DELE1: variants seen among roughly 807,000 people sequenced by gnomAD.
The protein encoded by DELE1 is DAP3 binding cell death enhancer 1, also known as death ligand signal enhancer.
DELE1 carries 54 observed loss-of-function variants against 59.3 expected under a neutral mutation model. The ratio of observed to expected loss-of-function variants is 0.91; its 90% CI spans 0.73 to 1.14. The LOEUF (loss-of-function observed/expected upper bound fraction) is 1.14, where lower values mean the gene tolerates loss of function less well. Among genes scored for constraint, DELE1 ranks in the 50% most tolerant of loss-of-function variants. The pLI is 0.00. For synonymous variants in DELE1, 264 were observed against 259.1 expected (o/e 1.02, Z -0.18); for missense variants, 636 against 643.9 (o/e 0.99, Z 0.13).
At chr5:141,934,459 C>T (rs763600945) in intron 9 of DELE1, 35 bp from the exon 10 acceptor site, 1 of 1,614,064 alleles carries the variant, frequency 6.2e-7, no homozygotes, top group African/African-American at 1.3e-5. Flanking sequence ...TGAAAGTGAC[C>T]AAGATGCCTT....
chr5:141,937,109 A>G, intron 10 of DELE1, 89 bp from the exon 11 acceptor site: 1 of 1,577,004 alleles, frequency 6.3e-7, no homozygotes, highest in Non-Finnish European at 8.6e-7. Context: ...AAGTCCCAGC[A>G]TGCCTGACTT....
chr5:141,924,518 A>G, intron 1 of DELE1, 63 bp from the exon 2 acceptor site: 2 of 932,360 alleles, frequency 2.1e-6, no homozygotes, highest in Non-Finnish European at 3.6e-6. Context: ...ACCTCTGCTG[A>G]GGCAGATGAC....
intron 7 of DELE1, among the ~76,000 whole-genome samples, 165 bp from the exon 8 acceptor site, chr5:141,933,094 C>CAAAAAA (rs56720043): frequency 9.9e-6 from 1 of 101,066 alleles, no homozygotes; most frequent in Non-Finnish European, 2.0e-5. Flanking sequence ...GACTCCATCT[C>CAAAAAA]AAAAAAAAAA....
At chr5:141,938,386 C>T in intron 11 of DELE1, 135 bp from the exon 12 acceptor site, 3 of 1,363,772 alleles carry the variant, frequency 2.2e-6, no homozygotes, top group South Asian at 2.8e-5. Flanking sequence ...TCTAAGAGCC[C>T]TGCTCACTCA....
chr5:141,938,115 C>T (rs1321801546), intron 11 of DELE1, among the ~76,000 whole-genome samples: 2 of 152,006 alleles, frequency 1.3e-5, no homozygotes, highest in Admixed American at 6.5e-5. Context: ...TGTGAGCCAC[C>T]GCGCCCAGTC....
chr5:141,929,252 C>CT (rs888548981), intron 4 of DELE1, among the ~76,000 whole-genome samples: 3 of 151,554 alleles, frequency 2.0e-5, no homozygotes, highest in African/African-American at 7.3e-5. Context: ...CCTGATCACT[C>CT]TTTTTTTTTC....
intron 3 of DELE1, 96 bp downstream of exon 3, chr5:141,925,623 A>C: frequency 1.5e-6 from 1 of 659,516 alleles, no homozygotes; most frequent in Non-Finnish European, 2.5e-6. Flanking sequence ...CTAGGGAATC[A>C]CTGTGTCCAT....
intron 4 of DELE1, 105 bp from the exon 5 acceptor site, chr5:141,929,477 T>G: frequency 7.3e-6 from 9 of 1,232,584 alleles, no homozygotes; most frequent in Non-Finnish European, 1.0e-5. Context: ...CTTGAACTCC[T>G]GACCTCAGGT....
rs555689141 is a variant in DELE1, at chr5:141,933,190, A to G, written c.755-69A>G. 146 of 1,298,018 alleles carry G rather than the reference A, an allele frequency of 1.1e-4. No homozygotes were observed. The South Asian group carries it at 2.5e-3, about 22-fold the overall frequency. The allele number at this position is 1,298,018 out of a possible 1,614,324, so 80.4% of individuals were successfully genotyped here. ...GAGGAGGATCAGATGAGGAGTCTGTAGGTACCTGGCTGAGGGTGTGGGGAA... is the reference window on the plus strand; with the variant it reads ...GAGGAGGATCAGATGAGGAGTCTGTGGGTACCTGGCTGAGGGTGTGGGGAA... On this transcript the variant is annotated intron_variant, in intron 7 of 11. Transcript: ENST00000432126.
In DELE1 at chr5:141,941,674, T is replaced by G; in HGVS notation, c.*2915T>G. 1 of 985,394 alleles carries G rather than the reference T, an allele frequency of 1.0e-6. No homozygotes were observed. 61.0% of individuals were successfully genotyped at this position (985,394 alleles called of 1,614,324 possible). A position where few individuals can be genotyped will look rare whatever the true frequency, so the allele number is the denominator to read the frequency against. ...GACCTTTGTGGGAAGCTCTACTGCC[T>G]CAGTTTCCCTATCCGGAGATGCTGT... is the stretch of plus-strand genomic sequence containing the variant. On this transcript the variant is annotated 3_prime_UTR_variant, in exon 12 of 12. Transcript: ENST00000432126.
In DELE1 at chr5:141,941,905, T is replaced by C; in HGVS notation, c.*3146T>C. 1 of 985,344 alleles carries C rather than the reference T, an allele frequency of 1.0e-6. No individual in the cohort carries two copies. The allele number at this position is 985,344 out of a possible 1,614,324, so 61.0% of individuals were successfully genotyped here. ...TACTTTAAGTAATTTGAATGAATAA[T>C]TTTAAATAACTTGAATGAATAATTC... On this transcript the variant is annotated 3_prime_UTR_variant, in exon 12 of 12. Transcript: ENST00000432126.
intron 5 of DELE1, 90 bp downstream of exon 5, chr5:141,929,830 G>A: frequency 6.4e-7 from 1 of 1,551,060 alleles, no homozygotes; most frequent in Non-Finnish European, 8.9e-7. Context: ...GAAGGGAATT[G>A]GCACTCCTGT....
At chr5:141,931,184 T>C (rs557597198) in intron 7 of DELE1, 6 of 152,314 alleles carry the variant, frequency 3.9e-5, no homozygotes, top group Admixed American at 1.3e-4. Flanking sequence ...CCACTTTTGT[T>C]TCAATCTGGA....
At chr5:141,926,881 T>A (rs948435649) in intron 3 of DELE1, among the ~76,000 whole-genome samples, 1 of 152,262 alleles carries the variant, frequency 6.6e-6, no homozygotes, top group Non-Finnish European at 1.5e-5. Flanking sequence ...CTGTCACTAC[T>A]GCTCATATGA....
intron 3 of DELE1, among the ~76,000 whole-genome samples, chr5:141,926,070 G>C (rs1751392824): frequency 6.6e-6 from 1 of 151,934 alleles, no homozygotes; most frequent in Non-Finnish European, 1.5e-5. Context: ...AGTAGAGACG[G>C]GGTTTCACCA....
rs770971793 is a variant in DELE1, at chr5:141,930,181, C to G, written c.661C>G (p.Gln221Glu). 7 of 1,612,704 alleles carry G rather than the reference C, an allele frequency of 4.3e-6. No individual in the cohort carries two copies. In the African/African-American group the frequency reaches 9.4e-5, roughly 22 times the overall value. The change falls in exon 7 of 12, where the codon CAA becomes GAA. Residue 221 changes from glutamine to glutamate, a missense_variant. Physicochemically the swap from Gln to Glu is conservative, Grantham distance 29. Transcript: ENST00000432126. ...GTCTTTTATATTTCTTTCCCAGGAA[C>G]AAGATAAATCAAAAACTCTTTCCCT... ...AQPQPTGEKEQDKSKTLSLEE... is the reference protein window; with the variant it reads ...AQPQPTGEKEEDKSKTLSLEE...
At chr5:141,937,129 C>T in intron 10 of DELE1, 69 bp from the exon 11 acceptor site, 1 of 1,593,748 alleles carries the variant, frequency 6.3e-7, no homozygotes, top group Non-Finnish European at 8.6e-7. Flanking sequence ...TCATCTTCCT[C>T]CTCCCTTAGC....
At chr5:141,929,231 T>C (rs1212842979) in intron 4 of DELE1, among the ~76,000 whole-genome samples, 1 of 152,100 alleles carries the variant, frequency 6.6e-6, no homozygotes, top group Non-Finnish European at 1.5e-5. Context: ...CCTGCACTGA[T>C]CCTCTTCTGA....
In DELE1 at chr5:141,924,573, C is replaced by A; in HGVS notation, c.32-8C>A. 1 of 1,576,278 alleles carries A rather than the reference C, an allele frequency of 6.3e-7. No homozygotes were observed. Among genetic ancestry groups the A allele is most frequent in the Non-Finnish European group, 8.7e-7 (1 of 1,146,002 alleles). On this transcript the variant is annotated splice_region_variant and splice_polypyrimidine_tract_variant and intron_variant, in intron 1 of 11. Transcript: ENST00000432126. The stretch of plus-strand genomic sequence containing the variant: ...TTGAGGTGCCTGAGTTTTGGTTGTT[C>A]TGTACAGCTCTTCCCCGTACACTGG...
Sources: allele counts gnomAD v4.1 joint callset (sites outside exome capture counted in the v4.1 genomes callset), GRCh38; gene constraint gnomAD v4.1.1; transcripts MANE v1.5; gene names NCBI Gene and HGNC (gene_info 2026-07-23, HGNC 2026-07-21).